Variants in EYA2 observed in about 807,000 individuals in gnomAD.
The protein encoded by EYA2 is protein phosphatase EYA2.
EYA2 carries 31 observed loss-of-function variants against 69.2 expected under a neutral mutation model. The ratio of observed to expected loss-of-function variants is 0.45; its 90% confidence interval spans 0.34 to 0.60. The LOEUF is 0.60. Among genes scored for constraint, EYA2 ranks in the 20% least tolerant of loss-of-function variants. The pLI, the probability that EYA2 is intolerant of heterozygous loss-of-function variation, is 0.02. For missense variants in EYA2, 622 were observed against 701.2 expected (o/e 0.89, Z 1.28); for synonymous variants, 257 against 279.4 (o/e 0.92, Z 0.80).
chr20:47,102,165 A>C (rs2032441490), intron 9 of EYA2, among the ~76,000 whole-genome samples: 1 of 152,180 alleles, frequency 6.6e-6, no homozygotes, highest in Admixed American at 6.5e-5. Flanking sequence ...AATCCCAACT[A>C]AAAACTGGAA....
intron 9 of EYA2, among the ~76,000 whole-genome samples, chr20:47,120,616 G>A (rs947795884): frequency 6.6e-6 from 1 of 152,142 alleles, no homozygotes; most frequent in Non-Finnish European, 1.5e-5. Context: ...GAGTCTAAAG[G>A]TCCCAGATCA....
chr20:47,081,868 C>G (rs1039265585), intron 7 of EYA2, among the ~76,000 whole-genome samples: 1 of 151,502 alleles, frequency 6.6e-6, no homozygotes. Context: ...GAGACAGAGT[C>G]TCGATCTGTC....
chr20:47,078,913 C>T (rs552160933), intron 7 of EYA2, among the ~76,000 whole-genome samples: 2 of 152,280 alleles, frequency 1.3e-5, no homozygotes, highest in East Asian at 3.9e-4. Context: ...AACTATTCGA[C>T]ATCTAAGAAT....
chr20:47,182,782 C>G (rs1252192847), intron 14 of EYA2, among the ~76,000 whole-genome samples: 1 of 151,668 alleles, frequency 6.6e-6, no homozygotes, highest in African/African-American at 2.4e-5. Context: ...CTAAAAAATA[C>G]AAAAATTAGC....
At chr20:46,918,300 G>A (rs985949555) in intron 1 of EYA2, among the ~76,000 whole-genome samples, 5 of 151,192 alleles carry the variant, frequency 3.3e-5, no homozygotes, top group South Asian at 4.3e-4. Context: ...CAGCCTGGGC[G>A]ACAGAGCAAG....
At chr20:46,990,234 C>G in intron 2 of EYA2, 115 bp downstream of exon 2, 1 of 544,274 alleles carries the variant, frequency 1.8e-6, no homozygotes, top group Non-Finnish European at 3.4e-6. Context: ...AGGACAATTT[C>G]TCCCCCTGCC....
chr20:47,165,141 A>G (rs1334920547), intron 10 of EYA2, among the ~76,000 whole-genome samples: 5 of 152,210 alleles, frequency 3.3e-5, no homozygotes, highest in African/African-American at 1.2e-4. Flanking sequence ...ATATAACTAT[A>G]ACTAGCCACA....
At chr20:47,139,649 C>G (rs927144958) in intron 9 of EYA2, among the ~76,000 whole-genome samples, 1 of 152,090 alleles carries the variant, frequency 6.6e-6, no homozygotes, top group Non-Finnish European at 1.5e-5. Flanking sequence ...AGGCTGGTCT[C>G]GAACTCCTGA....
At chr20:47,119,387 T>G (rs1245378809) in intron 9 of EYA2, among the ~76,000 whole-genome samples, 1 of 152,102 alleles carries the variant, frequency 6.6e-6, no homozygotes, top group African/African-American at 2.4e-5. Context: ...TGTCTCCCAG[T>G]GGGGCCTAAT....
intron 1 of EYA2, among the ~76,000 whole-genome samples, chr20:46,968,620 G>T (rs1979936056): frequency 6.6e-6 from 1 of 151,858 alleles, no homozygotes; most frequent in African/African-American, 2.4e-5. Flanking sequence ...TTGACATTTT[G>T]GGTTGGATGA....
intron 5 of EYA2, among the ~76,000 whole-genome samples, chr20:47,035,843 GA>G (rs759181911): frequency 3.0e-4 from 43 of 143,298 alleles, no homozygotes; most frequent in Admixed American, 3.5e-4. Flanking sequence ...CCCCGTCTCT[GA>G]AAAAAAAAAA....
intron 10 of EYA2, chr20:47,161,100 G>A: frequency 3.2e-6 from 1 of 315,704 alleles, no homozygotes; most frequent in Non-Finnish European, 5.9e-6. Context: ...CAGCTTTTGG[G>A]CATGGGGACC....
At position 46,953,661 on chromosome 20, in the gene EYA2, C is replaced by G. The variant is rs2146278266; in HGVS notation, c.-10-36340C>G. ...GGCCTCTCCCTCCCCAGTTCCTCTCCCTCCCCAGTTATGACAACCAGAAGT... is the reference window on the plus strand; with the variant it reads ...GGCCTCTCCCTCCCCAGTTCCTCTCGCTCCCCAGTTATGACAACCAGAAGT... On this transcript the variant is annotated intron_variant, in intron 1 of 15. Transcript: ENST00000327619. Among the ~76,000 whole-genome samples, 4 of 152,242 alleles carry G rather than the reference C, an allele frequency of 2.6e-5. No individual in the cohort carries two copies. The Middle Eastern group carries it at 0.01, about 388-fold the overall frequency.
chr20:46,968,237 C>T (rs1301882086), intron 1 of EYA2, among the ~76,000 whole-genome samples: 2 of 152,228 alleles, frequency 1.3e-5, no homozygotes, highest in Non-Finnish European at 2.9e-5. Flanking sequence ...GTTAACCCAC[C>T]TGAACCGCCA....
intron 12 of EYA2, among the ~76,000 whole-genome samples, chr20:47,173,718 G>A (rs6094620): frequency 0.031 from 4,675 of 152,106 alleles, 243 homozygotes; most frequent in African/African-American, 0.1. Flanking sequence ...CCACCTGCCT[G>A]GCCCAGAATC....
intron 5 of EYA2, among the ~76,000 whole-genome samples, chr20:47,055,172 C>T (rs540725953): frequency 5.8e-4 from 89 of 152,312 alleles, no homozygotes; most frequent in African/African-American, 1.9e-3. Context: ...GGCTCAGTCA[C>T]GTGATGCATC....
chr20:47,156,570 C>T (rs889236468), intron 10 of EYA2, among the ~76,000 whole-genome samples: 3 of 151,794 alleles, frequency 2.0e-5, no homozygotes, highest in South Asian at 4.2e-4. Flanking sequence ...GGTTGCTAAA[C>T]GTGTGATTTA....
chr20:46,960,265 A>C (rs1276646515), intron 1 of EYA2, among the ~76,000 whole-genome samples: 1 of 152,126 alleles, frequency 6.6e-6, no homozygotes, highest in South Asian at 2.1e-4. Flanking sequence ...CCCATTTTAC[A>C]GTGGAGGAAA....
At chr20:46,978,642 G>A (rs1980613527) in intron 1 of EYA2, 1 of 534,796 alleles carries the variant, frequency 1.9e-6, no homozygotes, top group Non-Finnish European at 3.8e-6. Flanking sequence ...ATGAGGTGAG[G>A]CGGGCAGGTT....
Sources: allele counts gnomAD v4.1 joint callset (sites outside exome capture counted in the v4.1 genomes callset), GRCh38; gene constraint gnomAD v4.1.1; transcripts MANE v1.5; gene names NCBI Gene and HGNC (gene_info 2026-07-23, HGNC 2026-07-21).